The following VAT1L variants were observed in gnomAD, a reference collection of about 807,000 sequenced individuals.
The protein encoded by VAT1L is putative NADPH-dependent quinone oxidoreductase VAT1L.
In VAT1L, 34 loss-of-function variants were observed where a neutral mutation model predicts 44.1. That is an observed-to-expected ratio of 0.77 (90% CI 0.59 to 1.03). The LOEUF is 1.03. VAT1L is among the 50% of genes least tolerant of loss of function. The pLI is 0.00. For missense variants in VAT1L, 615 were observed against 538.8 expected, an observed-to-expected ratio of 1.14 and a Z score of -1.40; for synonymous variants, 253 against 202.2, an observed-to-expected ratio of 1.25 and a Z score of -2.13.
At chr16:77,903,228 G>C (rs577861344) in intron 7 of VAT1L, among the ~76,000 whole-genome samples, 4 of 152,092 alleles carry the variant, frequency 2.6e-5, no homozygotes, top group Non-Finnish European at 4.4e-5. Context: ...GAGGAATTAC[G>C]ATAGATACAG....
chr16:77,802,856 C>G (rs1385218875), intron 1 of VAT1L, among the ~76,000 whole-genome samples: 1 of 152,126 alleles, frequency 6.6e-6, no homozygotes, highest in African/African-American at 2.4e-5. Flanking sequence ...AGTCTTTAAT[C>G]TTTCAGGAGT....
intron 7 of VAT1L, among the ~76,000 whole-genome samples, chr16:77,937,959 G>C (rs756708027): frequency 6.6e-6 from 1 of 152,208 alleles, no homozygotes; most frequent in Non-Finnish European, 1.5e-5. Flanking sequence ...GTATTTTTAA[G>C]AACTGGGAAA....
chr16:77,968,528 A>T (rs911278194), intron 7 of VAT1L, among the ~76,000 whole-genome samples: 1 of 152,158 alleles, frequency 6.6e-6, no homozygotes, highest in Non-Finnish European at 1.5e-5. Flanking sequence ...GATCAAGACC[A>T]TCCTAGCTAA....
At chr16:77,972,745 C>T (rs1266833581) in intron 8 of VAT1L, among the ~76,000 whole-genome samples, 8 of 151,618 alleles carry the variant, frequency 5.3e-5, no homozygotes, top group Non-Finnish European at 1.0e-4. Flanking sequence ...TGCGTCATTG[C>T]ACTCCAGCCT....
intron 7 of VAT1L, among the ~76,000 whole-genome samples, chr16:77,925,038 C>T (rs1442634801): frequency 6.6e-6 from 1 of 152,138 alleles, no homozygotes; most frequent in Non-Finnish European, 1.5e-5. Context: ...CTTTTGAGAA[C>T]ATGGGTGGTC....
At chr16:77,963,268 G>A (rs959524983) in intron 7 of VAT1L, among the ~76,000 whole-genome samples, 5 of 152,162 alleles carry the variant, frequency 3.3e-5, no homozygotes, top group Non-Finnish European at 5.9e-5. Flanking sequence ...TTGGGGATGG[G>A]GAGATCCTCC....
At chr16:77,914,296 T>C (rs541212685) in intron 7 of VAT1L, among the ~76,000 whole-genome samples, 18 of 152,342 alleles carry the variant, frequency 1.2e-4, no homozygotes, top group Admixed American at 1.2e-3. Flanking sequence ...ATATTCTCAT[T>C]TGGCTATCTA....
Position 77,884,654 on chromosome 16 carries a change from A to AC in VAT1L, c.930dup (p.Lys311GlnfsTer81). ...AACCCCATCAAGCTGTATGAGGAGA[A>AC]CAAAGTCATCGCGGGGTTTTCCCTT... On this transcript the variant is annotated frameshift_variant, in exon 7 of 9. Transcript: ENST00000302536. LOFTEE classifies it high-confidence loss of function. This position sits in a 1 kb window ranked among gnomAD's most constrained non-coding sequence, Gnocchi z 4.5. 6.2e-7 allele frequency: 1 copy of AC among 1,613,648 alleles called. No homozygotes were observed. Among genetic ancestry groups the AC allele is most frequent in the Non-Finnish European group, 8.5e-7 (1 of 1,179,864 alleles).
At chr16:77,846,916 A>G (rs145236445) in intron 3 of VAT1L, among the ~76,000 whole-genome samples, 5 of 152,356 alleles carry the variant, frequency 3.3e-5, no homozygotes, top group Admixed American at 1.3e-4. Context: ...AAACTACTGT[A>G]ACAGAATAAG....
At chr16:77,802,631 CA>C (rs2016083045) in intron 1 of VAT1L, among the ~76,000 whole-genome samples, 1 of 116,964 alleles carries the variant, frequency 8.5e-6, no homozygotes, top group Admixed American at 8.8e-5. Context: ...CACACACACA[CA>C]CACACACACA....
intron 3 of VAT1L, among the ~76,000 whole-genome samples, chr16:77,830,913 A>T (rs1426944836): frequency 6.6e-6 from 1 of 152,156 alleles, no homozygotes; most frequent in Non-Finnish European, 1.5e-5. Flanking sequence ...CGAACTCCTG[A>T]TCTCAGGTGA....
intron 3 of VAT1L, among the ~76,000 whole-genome samples, chr16:77,849,048 C>T (rs189526042): frequency 3.9e-4 from 59 of 152,122 alleles, no homozygotes; most frequent in African/African-American, 1.4e-3. Context: ...CAAGGGGTGG[C>T]GGACTAGGGG....
chr16:77,904,219 G>A (rs1005412653), intron 7 of VAT1L, among the ~76,000 whole-genome samples: 2 of 149,806 alleles, frequency 1.3e-5, no homozygotes, highest in Admixed American at 6.6e-5. Context: ...GGCACCATTG[G>A]TGTATCCATG....
chr16:77,942,474 G>C (rs1238213284), intron 7 of VAT1L, among the ~76,000 whole-genome samples: 1 of 152,068 alleles, frequency 6.6e-6, no homozygotes, highest in Non-Finnish European at 1.5e-5. Context: ...ATTGTGAAGA[G>C]AGGAGAATTC....
chr16:77,834,099 G>A (rs576909200), intron 3 of VAT1L, among the ~76,000 whole-genome samples: 1 of 152,212 alleles, frequency 6.6e-6, no homozygotes, highest in South Asian at 2.1e-4. Context: ...ACTTCCTGTT[G>A]CGAATCCACA....
chr16:77,822,522 T>C (rs1448349387), intron 2 of VAT1L, among the ~76,000 whole-genome samples: 1 of 152,106 alleles, frequency 6.6e-6, no homozygotes, highest in African/African-American at 2.4e-5. Context: ...TAGGGTCATT[T>C]AGGGGCTTGG....
At chr16:77,888,812 G>A (rs1011043270) in intron 7 of VAT1L, among the ~76,000 whole-genome samples, 4 of 152,168 alleles carry the variant, frequency 2.6e-5, no homozygotes, top group East Asian at 1.9e-4. Flanking sequence ...AAGAAGCCAC[G>A]ATGGCAAAGA....
intron 7 of VAT1L, among the ~76,000 whole-genome samples, chr16:77,929,945 G>A (rs1279566855): frequency 6.6e-6 from 1 of 152,114 alleles, no homozygotes; most frequent in African/African-American, 2.4e-5. Context: ...GCAACACAGC[G>A]AGTTCTCCAA....
intron 1 of VAT1L, among the ~76,000 whole-genome samples, chr16:77,816,677 T>C (rs191327826): frequency 6.6e-6 from 1 of 152,208 alleles, no homozygotes; most frequent in African/African-American, 2.4e-5. Context: ...GCAACTACTG[T>C]TTTCATTGCC....
Sources: allele counts gnomAD v4.1 joint callset (sites outside exome capture counted in the v4.1 genomes callset), GRCh38; gene constraint gnomAD v4.1.1; non-coding constraint Gnocchi (gnomAD v3.1); transcripts MANE v1.5; gene names NCBI Gene and HGNC (gene_info 2026-07-23, HGNC 2026-07-21).